Variants in MACROD2 observed in about 807,000 individuals in gnomAD.
The protein encoded by MACROD2 is mono-ADP ribosylhydrolase 2, also known as ADP-ribose glycohydrolase MACROD2.
A neutral mutation model predicts 70.4 loss-of-function variants in MACROD2; 36 were observed. The observed-to-expected ratio is 0.51, with a 90% CI of 0.39 to 0.68. The LOEUF (loss-of-function observed/expected upper bound fraction) is 0.68, where lower values mean the gene tolerates loss of function less well. Ranked by LOEUF, MACROD2 falls within the 30% of genes least tolerant of loss-of-function variation. The pLI is 0.00. For missense variants in MACROD2, 496 were observed against 538.4 expected (o/e 0.92, Z 0.78); for synonymous variants, 172 against 178.8 (o/e 0.96, Z 0.30).
At chr20:15,898,339 C>T (rs1029850110) in intron 10 of MACROD2, among the ~76,000 whole-genome samples, 3 of 152,076 alleles carry the variant, frequency 2.0e-5, no homozygotes, top group African/African-American at 7.2e-5. Context: ...CACTTGAGGT[C>T]AGGAGTTCCA....
rs190505260 is a variant in MACROD2, at chr20:15,612,143, G to A, written c.645+112296G>A. On this transcript the variant is annotated intron_variant, in intron 8 of 17. Transcript: ENST00000684519. ...TTTGCTACCTTAGTAAATAAAACCCGTGGCTTTAATTCCAAGAGGAGTTAG... is the reference window on the plus strand; with the variant it reads ...TTTGCTACCTTAGTAAATAAAACCCATGGCTTTAATTCCAAGAGGAGTTAG... Among the ~76,000 whole-genome samples the A allele has an allele frequency of 1.6e-3, 240 of 151,760 alleles. 1 individual carries two copies. Among genetic ancestry groups the A allele is most frequent in the African/African-American group, 5.5e-3 (226 of 41,414 alleles).
chr20:14,171,660 T>C (rs2081221819), intron 3 of MACROD2, among the ~76,000 whole-genome samples: 1 of 152,202 alleles, frequency 6.6e-6, no homozygotes. Context: ...GAGTGTTCTT[T>C]TTGGAGTTGA....
intron 4 of MACROD2, among the ~76,000 whole-genome samples, chr20:14,647,462 A>G (rs1411538252): frequency 6.6e-6 from 1 of 152,180 alleles, no homozygotes; most frequent in East Asian, 1.9e-4. Context: ...AAAAAATAAT[A>G]CTAACTGAGC....
chr20:14,958,750 A>G (rs1340796097), intron 5 of MACROD2, among the ~76,000 whole-genome samples: 1 of 152,190 alleles, frequency 6.6e-6, no homozygotes, highest in Non-Finnish European at 1.5e-5. Context: ...TCTAAACAGC[A>G]GTAGTTCTCA....
chr20:15,896,959 A>G (rs988818413), intron 10 of MACROD2, among the ~76,000 whole-genome samples: 1 of 152,194 alleles, frequency 6.6e-6, no homozygotes, highest in Non-Finnish European at 1.5e-5. Context: ...AAGCCTGATT[A>G]GTACCAGTTG....
intron 5 of MACROD2, among the ~76,000 whole-genome samples, chr20:14,761,773 C>A (rs1480495345): frequency 1.3e-5 from 2 of 152,088 alleles, no homozygotes; most frequent in Non-Finnish European, 2.9e-5. Context: ...ACTACTTGCC[C>A]TTGGGTCTAA....
At chr20:14,615,936 G>A (rs900839404) in intron 4 of MACROD2, among the ~76,000 whole-genome samples, 9 of 152,108 alleles carry the variant, frequency 5.9e-5, no homozygotes, top group African/African-American at 2.2e-4. Flanking sequence ...ATGTAAGGTG[G>A]TGTGAGTGGT....
intron 5 of MACROD2, among the ~76,000 whole-genome samples, chr20:15,158,371 G>A (rs910190704): frequency 9.9e-5 from 15 of 152,164 alleles, no homozygotes; most frequent in African/African-American, 3.6e-4. Context: ...TTTTGCATAT[G>A]TGTTTCCCAT....
At chr20:14,583,435 T>C (rs1034639913) in intron 4 of MACROD2, among the ~76,000 whole-genome samples, 15 of 152,138 alleles carry the variant, frequency 9.9e-5, no homozygotes, top group Admixed American at 2.6e-4. Context: ...CAAGCCCTAG[T>C]TTCCCAAAGA....
chr20:14,033,726 G>A (rs1272989008), intron 2 of MACROD2, among the ~76,000 whole-genome samples: 2 of 152,154 alleles, frequency 1.3e-5, no homozygotes, highest in African/African-American at 4.8e-5. Context: ...ATGTATGGAT[G>A]TGTATGTGCT....
intron 8 of MACROD2, among the ~76,000 whole-genome samples, chr20:15,616,389 C>T (rs1432656509): frequency 6.6e-6 from 1 of 152,050 alleles, no homozygotes; most frequent in Non-Finnish European, 1.5e-5. Flanking sequence ...TAGGCGTGAG[C>T]CACCGTGCCC....
At chr20:15,020,593 C>T (rs946985432) in intron 5 of MACROD2, among the ~76,000 whole-genome samples, 3 of 152,166 alleles carry the variant, frequency 2.0e-5, no homozygotes, top group South Asian at 2.1e-4. Flanking sequence ...TAGGCAATGT[C>T]GTCATCATGT....
intron 8 of MACROD2, among the ~76,000 whole-genome samples, chr20:15,806,938 C>T (rs1331530783): frequency 6.6e-6 from 1 of 152,282 alleles, no homozygotes; most frequent in Middle Eastern, 3.4e-3. Context: ...GAGCTATTTT[C>T]TCTCCACCCT....
intron 5 of MACROD2, among the ~76,000 whole-genome samples, chr20:14,819,378 G>C (rs1334430051): frequency 7.3e-6 from 1 of 136,282 alleles, no homozygotes; most frequent in Admixed American, 7.4e-5. Context: ...AAGACGTATT[G>C]ATAAGAAAAA....
intron 6 of MACROD2, among the ~76,000 whole-genome samples, chr20:15,248,266 G>A (rs1473532616): frequency 6.6e-6 from 1 of 152,078 alleles, no homozygotes; most frequent in African/African-American, 2.4e-5. Flanking sequence ...TCCTCAAGCC[G>A]TCCTCCCTGC....
intron 5 of MACROD2, among the ~76,000 whole-genome samples, chr20:14,986,800 G>A (rs766834804): frequency 2.3e-4 from 35 of 152,200 alleles, no homozygotes; most frequent in Non-Finnish European, 4.6e-4. Context: ...TTCTCTCCCC[G>A]TCACCTCCTC....
chr20:15,398,014 T>C (rs947143944), intron 6 of MACROD2, among the ~76,000 whole-genome samples: 2 of 152,288 alleles, frequency 1.3e-5, no homozygotes, highest in East Asian at 3.9e-4. Context: ...CTTTTCAGTT[T>C]CCCATACCGA....
chr20:15,017,038 A>C (rs1009138486), intron 5 of MACROD2, among the ~76,000 whole-genome samples: 1 of 152,052 alleles, frequency 6.6e-6, no homozygotes, highest in Non-Finnish European at 1.5e-5. Context: ...AAAACCAATC[A>C]TGCCTTCCCA....
chr20:15,144,869 A>G (rs2076219029), intron 5 of MACROD2, among the ~76,000 whole-genome samples: 1 of 152,162 alleles, frequency 6.6e-6, no homozygotes, highest in African/African-American at 2.4e-5. Flanking sequence ...TATGCTTACT[A>G]TAGTACTATA....
Sources: gnomAD v4.1 joint callset for allele counts (sites outside exome capture counted in the v4.1 genomes callset) on GRCh38, gnomAD v4.1.1 for gene constraint, MANE v1.5 for transcripts, NCBI Gene and HGNC (gene_info 2026-07-23, HGNC 2026-07-21) for gene names.